MID1: variants seen among roughly 807,000 people sequenced by gnomAD.
The protein encoded by MID1 is E3 ubiquitin-protein ligase Midline-1.
Under a neutral mutation model 40.4 loss-of-function variants are expected in MID1, and 7 were observed. The ratio of observed to expected loss-of-function variants is 0.17; its 90% CI spans 0.10 to 0.33. The LOEUF (loss-of-function observed/expected upper bound fraction) is 0.33. MID1 is among the 10% of genes least tolerant of loss of function. The pLI, the probability that MID1 is intolerant of heterozygous loss-of-function variation, is 1.00. For missense variants in MID1, 367 were observed against 558.5 expected (o/e 0.66, Z 3.46); for synonymous variants, 229 against 221.2 (o/e 1.04, Z -0.31).
chrX:10,507,166 C>T (rs770055164), intron 3 of MID1, among the ~76,000 whole-genome samples: 13 of 108,593 alleles, frequency 1.2e-4, no homozygotes, highest in African/African-American at 4.0e-4. Flanking sequence ...TTTCCTCCCC[C>T]CTCCGCCCCC....
rs138500772 is a variant in MID1 at position 10,558,655 on chromosome X, T to A, written c.660+8233A>T. On this transcript the variant is annotated intron_variant, in intron 2 of 9. Coordinates refer to ENST00000317552, the MANE Select transcript of MID1 (RefSeq NM_000381.4). ...ACCATTACACATTCTGCCTCCTAGTTTCTAACAGTCGTTCTGACATGTGTT... is the reference window on the plus strand; with the variant it reads ...ACCATTACACATTCTGCCTCCTAGTATCTAACAGTCGTTCTGACATGTGTT... Among the ~76,000 whole-genome samples the A allele has an allele frequency of 5.8e-3, 658 of 113,097 alleles. 3 individuals carry two copies. The highest frequency in any genetic ancestry group is 0.019 in the African/African-American group (608 of 31,184).
At chrX:10,521,132 C>T (rs1262749882) in intron 3 of MID1, among the ~76,000 whole-genome samples, 3 of 29,821 alleles carry the variant, frequency 1.0e-4, no homozygotes, top group South Asian at 1.4e-3. Flanking sequence ...GGGGGGCGGG[C>T]GGTGGGGGAG....
intron 5 of MID1, among the ~76,000 whole-genome samples, chrX:10,478,575 G>A (rs1170935875): frequency 8.0e-5 from 9 of 111,912 alleles, no homozygotes; most frequent in Non-Finnish European, 1.3e-4. Context: ...GAGTATATGA[G>A]CAAAATTAGC....
intron 1 of MID1, among the ~76,000 whole-genome samples, chrX:10,750,866 G>A (rs753195138): frequency 2.7e-5 from 3 of 110,811 alleles, no homozygotes; most frequent in East Asian, 2.8e-4. Context: ...TTGTGAACAC[G>A]TTGAGGGGAA....
At chrX:10,537,280 C>T (rs960679872) in intron 2 of MID1, among the ~76,000 whole-genome samples, 1 of 111,382 alleles carries the variant, frequency 9.0e-6, no homozygotes, top group Admixed American at 9.6e-5. Context: ...AAAAATAATG[C>T]CCCCCCAACC....
chrX:10,659,838 C>G (rs1273897547), intron 1 of MID1, among the ~76,000 whole-genome samples: 2 of 111,741 alleles, frequency 1.8e-5, no homozygotes, highest in African/African-American at 6.5e-5. Context: ...GGTTCATGTC[C>G]TTATGATTGT....
At chrX:10,716,301 G>GA (rs1437928074) in intron 1 of MID1, among the ~76,000 whole-genome samples, 1 of 111,443 alleles carries the variant, frequency 9.0e-6, no homozygotes, top group Non-Finnish European at 1.9e-5. Flanking sequence ...CTTGAAAAAA[G>GA]ATTAGACGAA....
At chrX:10,538,472 C>T (rs1933347228) in intron 2 of MID1, among the ~76,000 whole-genome samples, 1 of 110,920 alleles carries the variant, frequency 9.0e-6, no homozygotes, top group Non-Finnish European at 1.9e-5. Flanking sequence ...CACACATGGC[C>T]GTCAACGTAA....
rs377377080 is a variant in MID1, at chrX:10,759,210, T to C, written c.-187+74344A>G. Among the ~76,000 whole-genome samples the C allele has an allele frequency of 5.3e-5, 6 of 112,443 alleles. No individual in the cohort carries two copies. In the East Asian group the frequency reaches 1.1e-3, roughly 21 times the overall value. On this transcript the variant is annotated intron_variant, in intron 1 of 10. Transcript: ENST00000380785. ...AAGATATTGCCATAGAATGAGACTT[T>C]GAAGACATTTAGTCCTAAGCGAGTG... is the stretch of plus-strand genomic sequence containing the variant.
At chrX:10,727,366 G>A (rs974857782) in intron 1 of MID1, among the ~76,000 whole-genome samples, 3 of 112,425 alleles carry the variant, frequency 2.7e-5, no homozygotes, top group Non-Finnish European at 5.6e-5. Context: ...TGATCCTCCC[G>A]CCTCAGCCTC....
intron 1 of MID1, among the ~76,000 whole-genome samples, chrX:10,785,601 A>G (rs2043876765): frequency 9.0e-6 from 1 of 111,583 alleles, no homozygotes; most frequent in Admixed American, 9.5e-5. Context: ...ACAGCATGGT[A>G]CTGGTACCAA....
chrX:10,759,057 G>A (rs971620463), intron 1 of MID1, among the ~76,000 whole-genome samples: 1 of 111,684 alleles, frequency 9.0e-6, no homozygotes, highest in African/African-American at 3.3e-5. Flanking sequence ...TTTATCAGGA[G>A]GTCCCAAATA....
chrX:10,508,695 A>G (rs1336792995), intron 3 of MID1, among the ~76,000 whole-genome samples: 4 of 111,752 alleles, frequency 3.6e-5, no homozygotes, highest in African/African-American at 1.3e-4. Flanking sequence ...GCAAAAGAAC[A>G]TTTTTGCAAG....
chrX:10,519,835 T>C (rs917606945), intron 3 of MID1, among the ~76,000 whole-genome samples: 1 of 112,104 alleles, frequency 8.9e-6, no homozygotes, highest in Admixed American at 9.5e-5. Flanking sequence ...AAAAAGTTGC[T>C]AACTCATGTG....
At chrX:10,774,103 G>A (rs1303341463) in intron 1 of MID1, among the ~76,000 whole-genome samples, 8 of 111,170 alleles carry the variant, frequency 7.2e-5, no homozygotes, top group Non-Finnish European at 1.3e-4. Context: ...CCAATTTGAG[G>A]AGATCTTAAG....
chrX:10,509,063 G>A (rs1931984566), intron 3 of MID1, among the ~76,000 whole-genome samples: 1 of 111,594 alleles, frequency 9.0e-6, no homozygotes, highest in African/African-American at 3.3e-5. Context: ...TGAAATGGTA[G>A]TGGGGCTGGT....
chrX:10,623,102 A>AG (rs1935954197), upstream of MID1, among the ~76,000 whole-genome samples: 1 of 104,719 alleles, frequency 9.5e-6, no homozygotes, highest in Admixed American at 1.0e-4. Context: ...AAAAAAAAAA[A>AG]TAGCTGGGCA....
At chrX:10,719,871 C>G (rs2043336271) in intron 1 of MID1, among the ~76,000 whole-genome samples, 1 of 111,141 alleles carries the variant, frequency 9.0e-6, no homozygotes, top group Admixed American at 9.6e-5. Flanking sequence ...TGGAACAGAA[C>G]AGGGCCCTCA....
chrX:10,766,821 A>T (rs1218210125), intron 1 of MID1, among the ~76,000 whole-genome samples: 3 of 108,162 alleles, frequency 2.8e-5, no homozygotes, highest in African/African-American at 1.0e-4. Flanking sequence ...AGGCGGGAGG[A>T]CTGCTTGAGC....
Sources: allele counts gnomAD v4.1 joint callset (sites outside exome capture counted in the v4.1 genomes callset), GRCh38; gene constraint gnomAD v4.1.1; transcripts MANE v1.5; gene names NCBI Gene and HGNC (gene_info 2026-07-23, HGNC 2026-07-21).